The following BNC2 variants were observed in gnomAD, a reference collection of about 807,000 sequenced individuals.
The protein encoded by BNC2 is zinc finger protein basonuclin-2.
BNC2 carries 20 observed loss-of-function variants against 76.3 expected under a neutral mutation model. The observed-to-expected ratio is 0.26, with a 90% CI of 0.18 to 0.38. The LOEUF is 0.38. Ranked by LOEUF, BNC2 falls within the 10% of genes least tolerant of loss-of-function variation. The probability of loss-of-function intolerance (pLI) is 1.00; values close to 1 mark genes in which losing one functional copy is unlikely to be tolerated. For missense variants in BNC2, 1,382 were observed against 1,399.8 expected, an observed-to-expected ratio of 0.99 and a Z score of 0.20; for synonymous variants, 582 against 514.8, an observed-to-expected ratio of 1.13 and a Z score of -1.77.
chr9:16,497,376 G>A (rs901861836), intron 5 of BNC2, among the ~76,000 whole-genome samples: 2 of 152,294 alleles, frequency 1.3e-5, no homozygotes, highest in Non-Finnish European at 2.9e-5. Context: ...TTTTAATAAT[G>A]TTAATCCAAG....
intron 5 of BNC2, among the ~76,000 whole-genome samples, chr9:16,509,009 T>C (rs1194095807): frequency 6.6e-6 from 1 of 152,024 alleles, no homozygotes; most frequent in East Asian, 1.9e-4. Flanking sequence ...TTATTATTTT[T>C]AGTAAAGACA....
chr9:16,839,591 G>T (rs971671107), intron 1 of BNC2, among the ~76,000 whole-genome samples: 1 of 152,124 alleles, frequency 6.6e-6, no homozygotes, highest in Non-Finnish European at 1.5e-5. Flanking sequence ...TCTAAAGCAC[G>T]CTGCGCACTC....
chr9:16,526,867 A>C (rs1422057876), intron 5 of BNC2, among the ~76,000 whole-genome samples: 1 of 152,206 alleles, frequency 6.6e-6, no homozygotes, highest in East Asian at 1.9e-4. Flanking sequence ...TAGGAGAAAA[A>C]GACAAGTAAA....
chr9:16,545,437 AT>A (rs1198723860), intron 5 of BNC2, among the ~76,000 whole-genome samples: 1 of 152,154 alleles, frequency 6.6e-6, no homozygotes, highest in African/African-American at 2.4e-5. Context: ...TACTATTATT[AT>A]CCCTGTTTTA....
intron 3 of BNC2, among the ~76,000 whole-genome samples, chr9:16,711,772 T>C (rs1304921096): frequency 6.6e-6 from 1 of 152,214 alleles, no homozygotes; most frequent in Admixed American, 6.5e-5. Context: ...TAAGAAACAA[T>C]GAATACATGC....
chr9:16,592,424 G>A (rs968285983), intron 3 of BNC2, among the ~76,000 whole-genome samples: 1 of 152,130 alleles, frequency 6.6e-6, no homozygotes, highest in Non-Finnish European at 1.5e-5. Context: ...CTGAGTTGCA[G>A]GAGCCAGTCA....
intron 1 of BNC2, among the ~76,000 whole-genome samples, chr9:16,815,023 G>C (rs181201988): frequency 1.3e-5 from 2 of 152,200 alleles, no homozygotes; most frequent in Admixed American, 1.3e-4. Flanking sequence ...ACCATGAAAA[G>C]AAATTATAAG....
chr9:16,744,453 T>A lies in BNC2; in HGVS notation c.4-5968A>T, dbSNP rs185942015. 3.0e-3 allele frequency among the ~76,000 whole-genome samples: 461 copies of A among 152,302 alleles called. 3 individuals carry two copies. The highest frequency in any genetic ancestry group is 0.011 in the African/African-American group (442 of 41,566). On this transcript the variant is annotated intron_variant, in intron 1 of 6. Transcript: ENST00000380672. ...TGGTTTCTTGTATTACTTTTGCTAC[T>A]ACAACCAGTACTGCTAAGATGATTA...
At chr9:16,608,445 A>G (rs1820444660) in intron 3 of BNC2, among the ~76,000 whole-genome samples, 1 of 151,994 alleles carries the variant, frequency 6.6e-6, no homozygotes, top group African/African-American at 2.4e-5. Flanking sequence ...ACTAAAAGAA[A>G]AAAAAAGTTT....
At chr9:16,725,344 T>G (rs1219676270) in intron 3 of BNC2, among the ~76,000 whole-genome samples, 1 of 150,342 alleles carries the variant, frequency 6.7e-6, no homozygotes, top group Non-Finnish European at 1.5e-5. Context: ...TAGTTTGAAC[T>G]TAAGTTATGT....
chr9:16,753,576 G>C lies in BNC2; in HGVS notation c.4-15091C>G, dbSNP rs772004973. Among the ~76,000 whole-genome samples the C allele has an allele frequency of 2.2e-4, 33 of 152,304 alleles. 1 individual carries two copies. The highest frequency in any genetic ancestry group is 1.0e-3 in the South Asian group (5 of 4,826). ...TGCATCAAAACAAATTGTATGGCAA[G>C]GGGTAAACAGACTCAAGTTTTTAAC... On this transcript the variant is annotated intron_variant, in intron 1 of 6. Coordinates refer to ENST00000380672, the MANE Select transcript of BNC2 (RefSeq NM_017637.6).
At chr9:16,788,821 G>T (rs1817421434) in intron 1 of BNC2, among the ~76,000 whole-genome samples, 1 of 152,036 alleles carries the variant, frequency 6.6e-6, no homozygotes. Flanking sequence ...ACACTCCTCA[G>T]CCTCAACATG....
At chr9:16,785,805 T>C (rs1403384893) in intron 1 of BNC2, among the ~76,000 whole-genome samples, 4 of 97,014 alleles carry the variant, frequency 4.1e-5, no homozygotes, top group Non-Finnish European at 9.0e-5. Context: ...AGATGCTGTC[T>C]CCAAAAAAAA....
At chr9:16,795,694 C>T (rs148627784) in intron 1 of BNC2, among the ~76,000 whole-genome samples, 23 of 152,254 alleles carry the variant, frequency 1.5e-4, no homozygotes, top group Non-Finnish European at 1.6e-4. Flanking sequence ...TGAAGTAAGA[C>T]ACTTCATGAT....
In BNC2 at chr9:16,802,287, C is replaced by T. The variant is rs180965783; in HGVS notation, c.4-63802G>A. Among the ~76,000 whole-genome samples, 626 of 152,200 alleles carry T rather than the reference C, an allele frequency of 4.1e-3. 3 individuals are homozygous for T. The highest frequency in any genetic ancestry group is 6.2e-3 in the Non-Finnish European group (423 of 68,016). ...AGGGCTCCTTAGTAAAACAAGATGC[C>T]CGAGCAAACTAATGGACCAACAGTC... On this transcript the variant is annotated intron_variant, in intron 1 of 6. Coordinates refer to ENST00000380672, the MANE Select transcript of BNC2 (RefSeq NM_017637.6).
chr9:16,678,556 G>A lies in BNC2; in HGVS notation c.330+49241C>T, dbSNP rs535013298. 1.7e-3 allele frequency among the ~76,000 whole-genome samples: 264 copies of A among 151,362 alleles called. 2 individuals carry two copies. The highest frequency in any genetic ancestry group is 0.017 in the Middle Eastern group (5 of 288). On this transcript the variant is annotated intron_variant, in intron 3 of 6. Transcript: ENST00000380672. ...TGGGATTACAGGCGTGAGCCACCGC[G>A]CCTGGCCATGTATCTGTTTTCTGAC...
At chr9:16,762,954 T>A (rs190465689) in intron 1 of BNC2, among the ~76,000 whole-genome samples, 1 of 152,080 alleles carries the variant, frequency 6.6e-6, no homozygotes, top group Non-Finnish European at 1.5e-5. Flanking sequence ...TCATTTCCAG[T>A]GTACATAATA....
chr9:16,511,618 G>A (rs182350087), intron 5 of BNC2, among the ~76,000 whole-genome samples: 26 of 150,816 alleles, frequency 1.7e-4, no homozygotes, highest in Non-Finnish European at 3.5e-4. Context: ...TTGTAGAGAC[G>A]GGGTTTCGCT....
chr9:16,595,510 G>A (rs1193718307), intron 3 of BNC2, among the ~76,000 whole-genome samples: 1 of 152,022 alleles, frequency 6.6e-6, no homozygotes, highest in Non-Finnish European at 1.5e-5. Context: ...TAGAGTCACT[G>A]GAATTTTTCA....
Sources: gnomAD v4.1 joint callset for allele counts (sites outside exome capture counted in the v4.1 genomes callset) on GRCh38, gnomAD v4.1.1 for gene constraint, MANE v1.5 for transcripts, NCBI Gene and HGNC (gene_info 2026-07-23, HGNC 2026-07-21) for gene names.